Variants in MDFI observed in about 807,000 individuals in gnomAD.
MDFI encodes the protein inhibitor of MyoD family a.
In MDFI, 16 loss-of-function variants were observed where a neutral mutation model predicts 22.3. That is an observed-to-expected ratio of 0.72 (90% CI 0.49 to 1.09). The LOEUF is 1.09. Ranked by LOEUF, MDFI falls within the 50% of genes least tolerant of loss-of-function variation. The pLI, the probability that MDFI is intolerant of heterozygous loss-of-function variation, is 0.00. For synonymous variants in MDFI, 145 were observed against 142.7 expected (o/e 1.02, Z -0.12); for missense variants, 314 against 326.1 (o/e 0.96, Z 0.29).
chr6:41,650,555 T>C (rs935812236), intron 4 of MDFI, among the ~76,000 whole-genome samples: 1 of 149,632 alleles, frequency 6.7e-6, no homozygotes, highest in African/African-American at 2.4e-5. Context: ...AAGCAGATTC[T>C]GCCCAACAGT....
chr6:41,644,096 G>T (rs1442800487), intron 2 of MDFI, among the ~76,000 whole-genome samples: 2 of 152,162 alleles, frequency 1.3e-5, no homozygotes, highest in Non-Finnish European at 2.9e-5. Context: ...ATCTGAGCTG[G>T]TGTAGACCGG....
At chr6:41,639,626 A>G in intron 2 of MDFI, 2 of 985,462 alleles carry the variant, frequency 2.0e-6, no homozygotes, top group Non-Finnish European at 2.4e-6. Context: ...AGGAGAAGTC[A>G]GGAACCTCTG....
rs1178136683 is a variant in MDFI, at chr6:41,638,950, G to A, written c.76+125G>A. 1.8e-6 allele frequency: 2 copies of A among 1,114,390 alleles called. No homozygotes were observed. The highest frequency in any genetic ancestry group is 2.5e-6 in the Non-Finnish European group (2 of 803,796). 69.0% of individuals were successfully genotyped at this position (1,114,390 alleles called of 1,614,324 possible). A position where few individuals can be genotyped will look rare whatever the true frequency, so the allele number is the denominator to read the frequency against. On this transcript the variant is annotated intron_variant, in intron 2 of 4. Transcript: ENST00000230321. The surrounding 1 kb of genome is among the most constrained non-coding windows in gnomAD (Gnocchi z 7.6). ...GTTCCAGGGAGCTTGGTGGGGGTAG[G>A]GACGAAAAGTCTGGGTTTGAGGACT...
chr6:41,639,643 G>A, intron 2 of MDFI: 1 of 985,458 alleles, frequency 1.0e-6, no homozygotes, highest in Non-Finnish European at 1.2e-6. Context: ...TCTGGGATGT[G>A]TTCAGGGCCA....
rs1410556148 is a variant in MDFI at position 41,638,943 on chromosome 6, G to C, written c.76+118G>C. On this transcript the variant is annotated intron_variant, in intron 2 of 4. Coordinates refer to ENST00000230321, the MANE Select transcript of MDFI (RefSeq NM_005586.4). This position sits in a 1 kb window ranked among gnomAD's most constrained non-coding sequence, Gnocchi z 7.6. ...GGAGACCGTTCCAGGGAGCTTGGTGGGGGTAGGGACGAAAAGTCTGGGTTT... is the reference window on the plus strand; with the variant it reads ...GGAGACCGTTCCAGGGAGCTTGGTGCGGGTAGGGACGAAAAGTCTGGGTTT... The C allele has an allele frequency of 2.6e-6, 3 of 1,170,400 alleles. No individual in the cohort carries two copies. The highest frequency in any genetic ancestry group is 1.6e-5 in the South Asian group (1 of 63,772). The allele number at this position is 1,170,400 out of a possible 1,614,324, so 72.5% of individuals were successfully genotyped here. A position where few individuals can be genotyped will look rare whatever the true frequency, so the allele number is the denominator to read the frequency against.
chr6:41,642,981 T>C (rs2268408), intron 2 of MDFI, among the ~76,000 whole-genome samples: 54,492 of 151,870 alleles, frequency 0.36, 9,959 homozygotes, highest in Admixed American at 0.4. Context: ...TCTCTAACAC[T>C]GCGGGGAGGA....
Position 41,653,574 on chromosome 6 carries a change from G to A in MDFI, c.740G>A (p.Ter247=), listed in dbSNP as rs779202812. ...MECCGLCFSS[*] Reference sequence around the variant, plus strand: ...TGCTGTGGGCTCTGCTTCTCCTCCTGAGCCTCTGTCGGGGGCTAAGCCAGC... The same window carrying A: ...TGCTGTGGGCTCTGCTTCTCCTCCTAAGCCTCTGTCGGGGGCTAAGCCAGC... Residue 247 remains the stop codon, a stop_retained_variant, in exon 5 of 5, where the codon TGA becomes TAA. Transcript: ENST00000230321. The surrounding 1 kb of genome is among the most constrained non-coding windows in gnomAD (Gnocchi z 4.2). The A allele has an allele frequency of 6.3e-7, 1 of 1,599,952 alleles. No individual in the cohort carries two copies. The highest frequency in any genetic ancestry group is 8.5e-7 in the Non-Finnish European group (1 of 1,179,764).
intron 3 of MDFI, among the ~76,000 whole-genome samples, chr6:41,646,889 T>G (rs1768072530): frequency 6.6e-6 from 1 of 152,174 alleles, no homozygotes; most frequent in African/African-American, 2.4e-5. Context: ...TTTCCCTGAG[T>G]GGGCTCACTT....
intron 3 of MDFI, 27 bp downstream of exon 3, chr6:41,646,335 G>T (rs553930912): frequency 1.4e-6 from 2 of 1,395,150 alleles, no homozygotes; most frequent in African/African-American, 3.0e-5. Context: ...CAGGAGGTTG[G>T]ATGGCAACAT....
intron 2 of MDFI, among the ~76,000 whole-genome samples, chr6:41,645,875 T>C (rs1428373760): frequency 2.6e-5 from 4 of 152,126 alleles, no homozygotes; most frequent in Non-Finnish European, 5.9e-5. Context: ...TCTCTGCCCC[T>C]CCCGACACCA....
upstream of MDFI, among the ~76,000 whole-genome samples, chr6:41,637,727 T>C (rs1035089837): frequency 2.6e-5 from 4 of 151,868 alleles, no homozygotes; most frequent in Non-Finnish European, 4.4e-5. The surrounding 1 kb of genome is among the most constrained non-coding windows in gnomAD (Gnocchi z 6.8). Flanking sequence ...CCCTCCCCTT[T>C]CTCCCCGAAC....
At position 41,646,114 on chromosome 6, in the gene MDFI, CT is replaced by C; in HGVS notation, c.77-6del. ...CAGGAAAATGGACCTCAGTCATCTG[CT>C]TTTTTCCTAGCCCAGACCCTATCCC... On this transcript the variant is annotated splice_polypyrimidine_tract_variant and intron_variant, in intron 2 of 4. Coordinates refer to ENST00000230321, the MANE Select transcript of MDFI (RefSeq NM_005586.4). The C allele has an allele frequency of 2.8e-6, 4 of 1,454,426 alleles. No individual in the cohort carries two copies. The highest frequency in any genetic ancestry group is 2.7e-5 in the East Asian group (1 of 37,584). The allele number at this position is 1,454,426 out of a possible 1,614,324, so 90.1% of individuals were successfully genotyped here. A position where few individuals can be genotyped will look rare whatever the true frequency, so the allele number is the denominator to read the frequency against.
intron 3 of MDFI, 36 bp from the exon 4 acceptor site, chr6:41,649,583 C>T: frequency 1.3e-6 from 2 of 1,523,302 alleles, no homozygotes; most frequent in Non-Finnish European, 1.8e-6. Flanking sequence ...ATGACCCCCA[C>T]CCTTTTCCCA....
At chr6:41,639,516 A>G (rs922460636) in intron 2 of MDFI, 1 of 985,226 alleles carries the variant, frequency 1.0e-6, no homozygotes, top group East Asian at 1.1e-4. Context: ...TGACTCCCTG[A>G]AGGGGTTTGG....
intron 2 of MDFI, chr6:41,639,240 G>A: frequency 1.0e-6 from 1 of 985,330 alleles, no homozygotes; most frequent in Non-Finnish European, 1.2e-6. Context: ...CCTTCCCCCA[G>A]CCCAACCAGA....
intron 4 of MDFI, chr6:41,650,251 G>T (rs895663639): frequency 4.2e-5 from 7 of 164,812 alleles, no homozygotes; most frequent in Non-Finnish European, 6.5e-5. Flanking sequence ...ACATGTAGCA[G>T]AATAAAATGG....
At position 41,649,662 on chromosome 6, in the gene MDFI, G is replaced by A. The variant is rs151018719; in HGVS notation, c.303G>A (p.Pro101=). The change falls in exon 4 of 5, where the codon CCG becomes CCA. Residue 101 remains proline (P), a synonymous_variant. Transcript: ENST00000230321. The part of the protein sequence containing the change: ...GNPLGCTPLL[P]NDSGHPSELG... ...CCTTGGGCTGCACCCCACTTCTGCC[G>A]AATGACTCTGGCCACCCCTCAGAGC... 2,414 of 1,612,552 alleles carry A rather than the reference G, an allele frequency of 1.5e-3. 1 individual carries two copies. Among genetic ancestry groups the A allele is most frequent in the Non-Finnish European group, 1.9e-3 (2,218 of 1,179,054 alleles).
At chr6:41,652,854 G>A (rs1189334463) in intron 4 of MDFI, among the ~76,000 whole-genome samples, 1 of 152,084 alleles carries the variant, frequency 6.6e-6, no homozygotes, top group Non-Finnish European at 1.5e-5. Flanking sequence ...CTAACCTCAG[G>A]TGATCCGCCC....
Position 41,653,738 on chromosome 6 carries a change from G to A in MDFI, c.*163G>A, listed in dbSNP as rs1768374892. The A allele has an allele frequency of 2.2e-6, 2 of 912,376 alleles. No homozygotes were observed. The highest frequency in any genetic ancestry group is 1.7e-5 in the African/African-American group (1 of 59,970). The allele number at this position is 912,376 out of a possible 1,614,324, so 56.5% of individuals were successfully genotyped here. On this transcript the variant is annotated 3_prime_UTR_variant, in exon 5 of 5. Coordinates refer to ENST00000230321, the MANE Select transcript of MDFI (RefSeq NM_005586.4). This position sits in a 1 kb window ranked among gnomAD's most constrained non-coding sequence, Gnocchi z 4.2. The stretch of plus-strand genomic sequence containing the variant: ...TCTCAGAACCCCAGCCTTGAAAATA[G>A]TGGGGGGCACTCAGAGGGGCCACCT...
Sources: allele counts gnomAD v4.1 joint callset (sites outside exome capture counted in the v4.1 genomes callset), GRCh38; gene constraint gnomAD v4.1.1; non-coding constraint Gnocchi (gnomAD v3.1); transcripts MANE v1.5; gene names NCBI Gene and HGNC (gene_info 2026-07-23, HGNC 2026-07-21).